TSPAN18: variants seen among roughly 807,000 people sequenced by gnomAD.
The protein encoded by TSPAN18 is tetraspanin-18.
Under a neutral mutation model 27.3 loss-of-function variants are expected in TSPAN18, and 14 were observed. The ratio of observed to expected loss-of-function variants is 0.51; its 90% CI spans 0.34 to 0.80. The LOEUF (loss-of-function observed/expected upper bound fraction) is 0.80, where lower values mean the gene tolerates loss of function less well. Among genes scored for constraint, TSPAN18 ranks in the 30% least tolerant of loss-of-function variants. The probability of loss-of-function intolerance (pLI) is 0.01; values close to 1 mark genes in which losing one functional copy is unlikely to be tolerated. For missense variants in TSPAN18, 268 were observed against 323.9 expected (o/e 0.83, Z 1.32); for synonymous variants, 143 against 136.5 (o/e 1.05, Z -0.33).
chr11:44,777,631 G>T (rs138525237), intron 2 of TSPAN18, among the ~76,000 whole-genome samples: 3 of 152,172 alleles, frequency 2.0e-5, no homozygotes, highest in Admixed American at 6.5e-5. Flanking sequence ...GAGAGAAATT[G>T]CATGGTTTGT....
At chr11:44,783,069 C>G (rs756024900) in intron 2 of TSPAN18, among the ~76,000 whole-genome samples, 1 of 152,124 alleles carries the variant, frequency 6.6e-6, no homozygotes, top group African/African-American at 2.4e-5. Flanking sequence ...CTCCAGTGAT[C>G]CGCTTGCCTT....
chr11:44,755,993 G>A (rs1466571924), intron 1 of TSPAN18, among the ~76,000 whole-genome samples: 2 of 152,012 alleles, frequency 1.3e-5, no homozygotes, highest in African/African-American at 2.4e-5. Context: ...AGAGATGGAG[G>A]AGGGAAGAGG....
intron 9 of TSPAN18, among the ~76,000 whole-genome samples, chr11:44,927,703 A>G (rs1448561383): frequency 4.6e-5 from 7 of 152,212 alleles, no homozygotes; most frequent in Non-Finnish European, 1.0e-4. Flanking sequence ...ACAATGAACA[A>G]GATAAATCCG....
chr11:44,757,224 G>T (rs57941280), intron 1 of TSPAN18, among the ~76,000 whole-genome samples: 2 of 151,842 alleles, frequency 1.3e-5, no homozygotes, highest in Admixed American at 6.6e-5. Flanking sequence ...GTGGGAACAG[G>T]GTTCAAGTTC....
At chr11:44,852,281 A>T (rs835807) in intron 2 of TSPAN18, among the ~76,000 whole-genome samples, 1 of 152,084 alleles carries the variant, frequency 6.6e-6, no homozygotes, top group African/African-American at 2.4e-5. Context: ...TGAAGAGGCA[A>T]TGGCAATGTT....
intron 2 of TSPAN18, among the ~76,000 whole-genome samples, chr11:44,780,811 G>T (rs1855920666): frequency 1.3e-5 from 2 of 152,204 alleles, no homozygotes; most frequent in South Asian, 4.1e-4. Context: ...AATGGTAGCT[G>T]TGAATACAGA....
chr11:44,849,371 A>C (rs1857549833), intron 2 of TSPAN18, among the ~76,000 whole-genome samples: 1 of 152,216 alleles, frequency 6.6e-6, no homozygotes, highest in Non-Finnish European at 1.5e-5. Context: ...CAGCAAGGGA[A>C]GCAGAAGGCA....
At chr11:44,793,619 TGA>T (rs1856280633) in intron 2 of TSPAN18, among the ~76,000 whole-genome samples, 1 of 152,184 alleles carries the variant, frequency 6.6e-6, no homozygotes, top group African/African-American at 2.4e-5. Context: ...GGGATGCTGG[TGA>T]GAGTCACCAC....
chr11:44,848,486 G>A (rs1444898940), intron 2 of TSPAN18, among the ~76,000 whole-genome samples: 1 of 152,186 alleles, frequency 6.6e-6, no homozygotes, highest in East Asian at 1.9e-4. Flanking sequence ...GGCTTGGCAA[G>A]CAGCAGGGGC....
intron 1 of TSPAN18, among the ~76,000 whole-genome samples, chr11:44,741,701 C>T (rs1854940006): frequency 1.3e-5 from 2 of 152,098 alleles, no homozygotes; most frequent in African/African-American, 4.8e-5. Flanking sequence ...TTTGGAGTCC[C>T]ATGGATCTGG....
At chr11:44,750,787 G>A (rs1855192632) in intron 1 of TSPAN18, among the ~76,000 whole-genome samples, 1 of 152,238 alleles carries the variant, frequency 6.6e-6, no homozygotes, top group African/African-American at 2.4e-5. Flanking sequence ...GCGAAAGAAA[G>A]ATGGATGCTT....
chr11:44,810,403 G>A (rs1342025500), intron 2 of TSPAN18, among the ~76,000 whole-genome samples: 1 of 152,024 alleles, frequency 6.6e-6, no homozygotes, highest in Non-Finnish European at 1.5e-5. Flanking sequence ...TTTTGTGTCT[G>A]GCTTCTTAGC....
In TSPAN18 at chr11:44,919,929, A is replaced by G. The variant is rs1590693715; in HGVS notation, c.545A>G (p.Gln182Arg). ...VPEACCRREP[Q>R]SRDGVLLSRE... ...GAGGCCTGCTGCCGGAGGGAACCCCAAAGTCGGGACGGGGTCCTGCTGAGC... is the reference window on the plus strand; with the variant it reads ...GAGGCCTGCTGCCGGAGGGAACCCCGAAGTCGGGACGGGGTCCTGCTGAGC... The change falls in exon 8 of 10, where the codon CAA (glutamine) becomes CGA (arginine). Residue 182 changes from glutamine to arginine, a missense_variant. Coordinates refer to ENST00000520358, the MANE Select transcript of TSPAN18 (RefSeq NM_130783.5). 1 of 1,614,210 alleles carries G rather than the reference A, an allele frequency of 6.2e-7. No homozygotes were observed. Among genetic ancestry groups the G allele is most frequent in the African/African-American group, 1.3e-5 (1 of 75,064 alleles).
At chr11:44,798,579 T>A (rs1389128298) in intron 2 of TSPAN18, among the ~76,000 whole-genome samples, 1 of 152,108 alleles carries the variant, frequency 6.6e-6, no homozygotes, top group Non-Finnish European at 1.5e-5. Context: ...AAATTTGGTG[T>A]TTGCATTGCT....
intron 2 of TSPAN18, among the ~76,000 whole-genome samples, chr11:44,816,376 G>C (rs555102753): frequency 2.4e-4 from 37 of 152,362 alleles, no homozygotes; most frequent in Non-Finnish European, 3.1e-4. Context: ...GCTTGTACCA[G>C]CTTCAGCATC....
At chr11:44,875,463 C>T (rs74817417) in intron 3 of TSPAN18, among the ~76,000 whole-genome samples, 2,837 of 152,336 alleles carry the variant, frequency 0.019, 75 homozygotes, top group African/African-American at 0.064. Context: ...TCCAGGTCAC[C>T]AGGAAATCTT....
chr11:44,780,217 C>T (rs1855907180), intron 2 of TSPAN18, among the ~76,000 whole-genome samples: 1 of 152,150 alleles, frequency 6.6e-6, no homozygotes, highest in Non-Finnish European at 1.5e-5. Flanking sequence ...CACACACATG[C>T]ACACACACGT....
intron 2 of TSPAN18, among the ~76,000 whole-genome samples, chr11:44,791,879 G>A (rs2135044477): frequency 6.6e-6 from 1 of 152,312 alleles, no homozygotes; most frequent in South Asian, 2.1e-4. Context: ...AGCACTCACA[G>A]CAGATGATGG....
At chr11:44,758,828 G>C (rs184881183) in intron 1 of TSPAN18, among the ~76,000 whole-genome samples, 1 of 152,076 alleles carries the variant, frequency 6.6e-6, no homozygotes, top group Non-Finnish European at 1.5e-5. Context: ...TCAGGTTTGC[G>C]GGGGCACAAA....
Sources: allele counts gnomAD v4.1 joint callset (sites outside exome capture counted in the v4.1 genomes callset), GRCh38; gene constraint gnomAD v4.1.1; transcripts MANE v1.5; gene names NCBI Gene and HGNC (gene_info 2026-07-23, HGNC 2026-07-21).